The following ANK2 variants were observed in gnomAD, a reference collection of about 807,000 sequenced individuals.
ANK2 encodes ankyrin-2.
In ANK2, 83 loss-of-function variants were observed where a neutral mutation model predicts 360.5. The ratio of observed to expected loss-of-function variants is 0.23; its 90% CI spans 0.19 to 0.28. ANK2 has a LOEUF of 0.28. Among genes scored for constraint, ANK2 ranks in the 10% least tolerant of loss-of-function variants. The pLI is 1.00. For missense variants in ANK2, 4,201 were observed against 4,795.7 expected (o/e 0.88, Z 3.66); for synonymous variants, 1,740 against 1,759.5 (o/e 0.99, Z 0.28).
chr4:112,795,421 A>G, the ANK2 span, among the ~76,000 whole-genome samples: 1 of 152,340 alleles, frequency 6.6e-6, no homozygotes, highest in East Asian at 1.9e-4. Flanking sequence ...ATTTCTCTCA[A>G]TGAAAGATGA....
At chr4:113,372,479 G>A (rs892522054) in intron 43 of ANK2, 1 of 1,134,828 alleles carries the variant, frequency 8.8e-7, no homozygotes, top group Non-Finnish European at 1.3e-6. Flanking sequence ...GAAACCAGTA[G>A]TGAAGTCATT....
Position 113,354,680 on chromosome 4 carries a change from C to T in ANK2, c.6062C>T (p.Pro2021Leu). Residue 2021 changes from proline (P) to leucine (L), a missense_variant, in exon 38 of 46, where the codon CCA (proline) becomes CTA (leucine). This residue lies in a region of ANK2 where 2,642 missense variants were observed against 2,714.5 expected (regional missense o/e 0.97). Coordinates refer to ENST00000357077, the MANE Select transcript of ANK2 (RefSeq NM_001148.6). ...FEHKSAKQKQ[P>L]QEKGKVRVEK... ...CACAAATCAGCAAAACAAAAGCAGC[C>T]ACAAGAGAAAGGTAAAGTTCGGGTA... 1 of 1,613,996 alleles carries T rather than the reference C, an allele frequency of 6.2e-7. No individual in the cohort carries two copies. Among genetic ancestry groups the T allele is most frequent in the Non-Finnish European group, 8.5e-7 (1 of 1,179,976 alleles).
the ANK2 span, among the ~76,000 whole-genome samples, chr4:112,777,374 G>T: frequency 6.6e-6 from 1 of 151,148 alleles, no homozygotes; most frequent in Non-Finnish European, 1.5e-5. Context: ...GAATAGCTGG[G>T]ACTACAGACA....
the ANK2 span, among the ~76,000 whole-genome samples, chr4:112,785,457 G>A: frequency 3.4e-5 from 5 of 146,454 alleles, no homozygotes; most frequent in African/African-American, 7.6e-5. Context: ...GACTGCAACC[G>A]CTGCCTCCTG....
At chr4:113,047,176 A>G (rs2064784032), upstream of ANK2, among the ~76,000 whole-genome samples, 1 of 152,162 alleles carries the variant, frequency 6.6e-6, no homozygotes, top group African/African-American at 2.4e-5. Context: ...GTTTGCCTAG[A>G]ATATTCTTCC....
chr4:113,255,989 T>G (rs29430), intron 11 of ANK2, 57 bp downstream of exon 11: 3 of 1,563,580 alleles, frequency 1.9e-6, no homozygotes, highest in Admixed American at 1.7e-5. Context: ...CAAACCCACA[T>G]TCATTGACCA....
intron 23 of ANK2, among the ~76,000 whole-genome samples, chr4:113,305,154 A>C (rs889670670): frequency 2.0e-5 from 3 of 151,020 alleles, no homozygotes; most frequent in Non-Finnish European, 3.0e-5. Context: ...TCCCGGCTAA[A>C]ACGGTGAAAC....
chr4:113,378,245 A>G, intron 45 of ANK2: 1 of 721,738 alleles, frequency 1.4e-6, no homozygotes, highest in East Asian at 6.6e-5. Flanking sequence ...CAATTTTAAG[A>G]AAAGAAGGGG....
chr4:112,888,936 G>T (rs1313146770), intron 1 of ANK2, among the ~76,000 whole-genome samples: 1 of 152,128 alleles, frequency 6.6e-6, no homozygotes, highest in Non-Finnish European at 1.5e-5. Context: ...TAACTCTGGT[G>T]GGTTTTCTGC....
intron 2 of ANK2, among the ~76,000 whole-genome samples, chr4:113,002,812 C>T (rs1314803341): frequency 6.6e-6 from 1 of 152,222 alleles, no homozygotes; most frequent in Non-Finnish European, 1.5e-5. Flanking sequence ...TTTTCAGTCT[C>T]ATCTCCTCCC....
intron 2 of ANK2, among the ~76,000 whole-genome samples, chr4:112,940,086 T>A (rs1252601557): frequency 6.6e-6 from 1 of 152,232 alleles, no homozygotes; most frequent in Non-Finnish European, 1.5e-5. Context: ...ATTCCCAGTA[T>A]GTTGGTTGAC....
At chr4:113,342,176 TAAACTC>T (rs1329551065) in intron 33 of ANK2, among the ~76,000 whole-genome samples, 1 of 152,218 alleles carries the variant, frequency 6.6e-6, no homozygotes, top group Non-Finnish European at 1.5e-5. Context: ...GAGTTATTGA[TAAACTC>T]AAAGTATGTA....
Position 113,232,205 on chromosome 4 carries a change from T to C in ANK2, c.429T>C (p.Ile143=). 6.2e-7 allele frequency: 1 copy of C among 1,608,516 alleles called. No homozygotes were observed. Among genetic ancestry groups the C allele is most frequent in the Non-Finnish European group, 8.5e-7 (1 of 1,174,984 alleles). ...ACATGGCTGCCCAAGAGAATCACAT[T>C]GATGTTGTAAAATATTTGCTGGAAA... The part of the protein sequence containing the change: ...PLYMAAQENH[I]DVVKYLLENG... Residue 143 remains isoleucine (I), a synonymous_variant, in exon 5 of 46, where the codon ATT becomes ATC. Coordinates refer to ENST00000357077, the MANE Select transcript of ANK2 (RefSeq NM_001148.6).
In ANK2 at chr4:113,157,247, C is replaced by G. The variant is rs539857384; in HGVS notation, c.85-17169C>G. On this transcript the variant is annotated intron_variant, in intron 1 of 45. Transcript: ENST00000357077. The stretch of plus-strand genomic sequence containing the variant: ...AGCAAGTATGGTGATTAATTAAGAA[C>G]AGCTGAGAGAGGTTTCATCTATCTT... Among the ~76,000 whole-genome samples the G allele has an allele frequency of 9.2e-5, 14 of 152,222 alleles. No individual in the cohort carries two copies. The South Asian group carries it at 2.9e-3, about 32-fold the overall frequency.
intron 1 of ANK2, among the ~76,000 whole-genome samples, chr4:112,887,194 T>C (rs527286356): frequency 1.3e-5 from 2 of 152,352 alleles, no homozygotes; most frequent in South Asian, 4.1e-4. Context: ...TCTTTTTAGT[T>C]ACTGATGTAT....
the ANK2 span, among the ~76,000 whole-genome samples, chr4:112,750,620 G>A: frequency 6.6e-6 from 1 of 152,266 alleles, no homozygotes; most frequent in East Asian, 1.9e-4. Context: ...CTTGAGTAAC[G>A]TGAAAGCAAG....
the ANK2 span, among the ~76,000 whole-genome samples, chr4:112,791,479 C>CTTTTTTTTT: frequency 3.7e-4 from 35 of 93,886 alleles, no homozygotes; most frequent in Non-Finnish European, 5.6e-4. Flanking sequence ...TCTTCTTCTT[C>CTTTTTTTTT]TTTTTTTTTT....
chr4:112,752,177 G>C, the ANK2 span, among the ~76,000 whole-genome samples: 1 of 152,210 alleles, frequency 6.6e-6, no homozygotes, highest in African/African-American at 2.4e-5. Flanking sequence ...CTCACTCTGT[G>C]TTTCTTGTCC....
At chr4:113,081,415 G>C (rs1415519946) in intron 1 of ANK2, among the ~76,000 whole-genome samples, 1 of 152,058 alleles carries the variant, frequency 6.6e-6, no homozygotes, top group Non-Finnish European at 1.5e-5. Flanking sequence ...AATACAGCTG[G>C]CTTCTGTTTA....
Sources: gnomAD v4.1 joint callset for allele counts (sites outside exome capture counted in the v4.1 genomes callset) on GRCh38, gnomAD v4.1.1 for gene constraint, gnomAD v4.1.1 regional missense constraint, MANE v1.5 for transcripts, NCBI Gene and HGNC (gene_info 2026-07-23, HGNC 2026-07-21) for gene names.